The following ASCC2 variants were observed in gnomAD, a reference collection of about 807,000 sequenced individuals.
ASCC2 encodes the protein activating signal cointegrator 1 complex subunit 2.
A neutral mutation model predicts 93.5 loss-of-function variants in ASCC2; 42 were observed. That is an observed-to-expected ratio of 0.45 (90% CI 0.35 to 0.58). The LOEUF (loss-of-function observed/expected upper bound fraction) is 0.58, where lower values mean the gene tolerates loss of function less well. Among genes scored for constraint, ASCC2 ranks in the 20% least tolerant of loss-of-function variants. The probability of loss-of-function intolerance (pLI) is 0.00; values close to 1 mark genes in which losing one functional copy is unlikely to be tolerated. For synonymous variants in ASCC2, 364 were observed against 384.2 expected, an observed-to-expected ratio of 0.95 and a Z score of 0.62; for missense variants, 859 against 977.6, an observed-to-expected ratio of 0.88 and a Z score of 1.62.
In ASCC2 at chr22:29,803,298, T is replaced by A. The variant is rs180848901; in HGVS notation, c.1354-1090A>T. ...ACAAACAAAAACAAATAAATAATTA[T>A]ATTAAATTAAATTAAATTAAAATTT... On this transcript the variant is annotated intron_variant, in intron 13 of 19. Coordinates refer to ENST00000307790, the MANE Select transcript of ASCC2 (RefSeq NM_032204.5). 7.4e-4 allele frequency among the ~76,000 whole-genome samples: 112 copies of A among 151,776 alleles called. 1 individual carries two copies. Among genetic ancestry groups the A allele is most frequent in the Middle Eastern group, 3.4e-3 (1 of 294 alleles).
At position 29,832,278 on chromosome 22, in the gene ASCC2, C is replaced by T. The variant is rs770347429; in HGVS notation, c.48G>A (p.Pro16=). 4 of 1,613,922 alleles carry T rather than the reference C, an allele frequency of 2.5e-6. No homozygotes were observed. Among genetic ancestry groups the T allele is most frequent in the South Asian group, 2.2e-5 (2 of 91,080 alleles). Reference sequence around the variant, plus strand: ...GTGAAGTCCTCAGCTTTCCTGTCTTCGGGTCCTTGTGGGTGATCTGGAGTT... The same window carrying T: ...GTGAAGTCCTCAGCTTTCCTGTCTTTGGGTCCTTGTGGGTGATCTGGAGTT... ...LDQLQITHKD[P]KTGKLRTSPA... Residue 16 remains proline, a synonymous_variant, in exon 2 of 20, where the codon CCG becomes CCA. Transcript: ENST00000307790.
At position 29,788,773 on chromosome 22, in the gene ASCC2, G is replaced by A; in HGVS notation, c.*240C>T. The A allele has an allele frequency of 1.8e-6, 1 of 546,050 alleles. No homozygotes were observed. Among genetic ancestry groups the A allele is most frequent in the Non-Finnish European group, 3.3e-6 (1 of 305,906 alleles). The allele number at this position is 546,050 out of a possible 1,614,324, so 33.8% of individuals were successfully genotyped here. ...CTCTTTCCCGCTAGCGCAGCTGGGG[G>A]AAGGTGCCTGCTTGCCGGCCCCACG... On this transcript the variant is annotated 3_prime_UTR_variant, in exon 20 of 20. Transcript: ENST00000307790.
At chr22:29,835,593 TCTAA>T (rs1049809387) in intron 1 of ASCC2, among the ~76,000 whole-genome samples, 6 of 152,138 alleles carry the variant, frequency 3.9e-5, no homozygotes, top group Non-Finnish European at 8.8e-5. Context: ...CCCTAACCTC[TCTAA>T]CTTTTGATTG....
chr22:29,794,664 C>T (rs2058196122), intron 15 of ASCC2, among the ~76,000 whole-genome samples: 1 of 152,194 alleles, frequency 6.6e-6, no homozygotes, highest in Non-Finnish European at 1.5e-5. Flanking sequence ...TAATGTCCAT[C>T]ATGAGTGAAA....
At chr22:29,833,883 T>G (rs2063456717) in intron 1 of ASCC2, among the ~76,000 whole-genome samples, 1 of 151,072 alleles carries the variant, frequency 6.6e-6, no homozygotes, top group South Asian at 2.1e-4. Context: ...CTTTTTCTTT[T>G]TTTTTTTTTT....
chr22:29,821,869 T>C lies in ASCC2; in HGVS notation c.541+466A>G, dbSNP rs746447019. The C allele has an allele frequency of 4.9e-6, 2 of 404,590 alleles. 1 individual carries two copies. The highest frequency in any genetic ancestry group is 3.5e-5 in the South Asian group (2 of 57,914). 25.1% of individuals were successfully genotyped at this position (404,590 alleles called of 1,614,324 possible). A position where few individuals can be genotyped will look rare whatever the true frequency, so the allele number is the denominator to read the frequency against. Reference sequence around the variant, plus strand: ...TTTTAATTCGCCAGGCATGGTGGTGTGCACCTGTAGTCCCAGGTACCTGGG... The same window carrying C: ...TTTTAATTCGCCAGGCATGGTGGTGCGCACCTGTAGTCCCAGGTACCTGGG... On this transcript the variant is annotated intron_variant, in intron 5 of 19. Coordinates refer to ENST00000307790, the MANE Select transcript of ASCC2 (RefSeq NM_032204.5).
chr22:29,807,170 G>A lies in ASCC2; in HGVS notation c.909-266C>T, dbSNP rs187800377. Among the ~76,000 whole-genome samples, 881 of 147,714 alleles carry A rather than the reference G, an allele frequency of 6.0e-3. 5 individuals carry two copies. Among genetic ancestry groups the A allele is most frequent in the Middle Eastern group, 0.011 (3 of 274 alleles). ...GCAGGGGGATCGCATTCGCCTGGGAGGTCAAGGCTGCAGTGAGCCATGATG... is the reference window on the plus strand; with the variant it reads ...GCAGGGGGATCGCATTCGCCTGGGAAGTCAAGGCTGCAGTGAGCCATGATG... On this transcript the variant is annotated intron_variant, in intron 9 of 19. Coordinates refer to ENST00000307790, the MANE Select transcript of ASCC2 (RefSeq NM_032204.5).
At position 29,814,712 on chromosome 22, in the gene ASCC2, G is replaced by A. The variant is rs1401218092; in HGVS notation, c.665C>T (p.Thr222Ile). The A allele has an allele frequency of 1.9e-6, 3 of 1,607,998 alleles. No individual in the cohort carries two copies. The highest frequency in any genetic ancestry group is 2.2e-5 in the South Asian group (2 of 89,858). Residue 222 changes from threonine (T) to isoleucine (I), a missense_variant, in exon 7 of 20, where the codon ACA becomes ATA. Coordinates refer to ENST00000307790, the MANE Select transcript of ASCC2 (RefSeq NM_032204.5). ...GCCCCTCTCCTCAAGCTTCTGGGGT[G>A]TGGTATTGGCCCCGTCCCCTTGCAA... Reference protein sequence around the residue: ...CGLQGDGANTTPQKLEERGRL... With the variant: ...CGLQGDGANTIPQKLEERGRL...
In ASCC2 at chr22:29,825,486, AC is replaced by A; in HGVS notation, c.240+135del. ...TGTGATACAAGACAGAGCAATCCGA[AC>A]CACAATTTGCTGTTAAGGATCCAGT... is the stretch of plus-strand genomic sequence containing the variant. On this transcript the variant is annotated intron_variant, in intron 3 of 19. Transcript: ENST00000307790. This position sits in a 1 kb window ranked among gnomAD's most constrained non-coding sequence, Gnocchi z 4.9. 1.5e-6 allele frequency: 2 copies of A among 1,313,750 alleles called. No individual in the cohort carries two copies. The highest frequency in any genetic ancestry group is 2.6e-5 in the South Asian group (2 of 77,654). The allele number at this position is 1,313,750 out of a possible 1,614,324, so 81.4% of individuals were successfully genotyped here.
At chr22:29,819,709 G>A (rs1025547291) in intron 5 of ASCC2, among the ~76,000 whole-genome samples, 5 of 152,096 alleles carry the variant, frequency 3.3e-5, no homozygotes, top group African/African-American at 2.4e-5. Context: ...TGGCTCCAAG[G>A]CTCCAAATCC....
rs1008898703 is a variant in ASCC2, at chr22:29,793,820, C to T, written c.1689-144G>A. 2.4e-5 allele frequency: 14 copies of T among 576,388 alleles called. No homozygotes were observed. In the Admixed American group the frequency reaches 2.4e-4, roughly 10 times the overall value. The allele number at this position is 576,388 out of a possible 1,614,324, so 35.7% of individuals were successfully genotyped here. ...AAATGAAATCAAGCATTGGTGAGGG[C>T]GTGGGAGGGTGGGACTGTCACTGCT... On this transcript the variant is annotated intron_variant, in intron 15 of 19. Coordinates refer to ENST00000307790, the MANE Select transcript of ASCC2 (RefSeq NM_032204.5).
chr22:29,795,189 A>G (rs2058280828), intron 15 of ASCC2, among the ~76,000 whole-genome samples: 1 of 151,938 alleles, frequency 6.6e-6, no homozygotes, highest in Non-Finnish European at 1.5e-5. Context: ...AACCTCCCAA[A>G]GTGCTAGGAT....
At chr22:29,790,813 GACC>G (rs906788000) in intron 18 of ASCC2, among the ~76,000 whole-genome samples, 1 of 152,224 alleles carries the variant, frequency 6.6e-6, no homozygotes, top group Non-Finnish European at 1.5e-5. Context: ...AGAGTGGATA[GACC>G]ATAGTTATGG....
intron 1 of ASCC2, chr22:29,836,648 T>C (rs5763529): frequency 0.9 from 136,605 of 152,072 alleles, 61,682 homozygotes; most frequent in East Asian, 1. Flanking sequence ...GCCACCTCTG[T>C]CTCCCGGGTT....
At chr22:29,838,082 G>A (rs1033593857) in intron 1 of ASCC2, 96 bp downstream of exon 1, 17 of 444,452 alleles carry the variant, frequency 3.8e-5, no homozygotes, top group Admixed American at 1.2e-4. Flanking sequence ...CGCAATGGAG[G>A]CCAGAGGATG....
rs746763737 is a variant in ASCC2 at position 29,813,411 on chromosome 22, G to A, written c.833+19C>T. On this transcript the variant is annotated intron_variant, in intron 8 of 19. Transcript: ENST00000307790. ...ATAAGCCAGTATCTCTATTTCAACA[G>A]CCAGAACTACCGCCTTACCTGTAAC... is the stretch of plus-strand genomic sequence containing the variant. 8.6e-6 allele frequency: 13 copies of A among 1,510,734 alleles called. No homozygotes were observed. The highest frequency in any genetic ancestry group is 1.2e-5 in the Non-Finnish European group (13 of 1,086,134). The allele number at this position is 1,510,734 out of a possible 1,614,324, so 93.6% of individuals were successfully genotyped here.
At chr22:29,830,086 C>T (rs1354093031) in intron 2 of ASCC2, among the ~76,000 whole-genome samples, 1 of 152,180 alleles carries the variant, frequency 6.6e-6, no homozygotes, top group Non-Finnish European at 1.5e-5. Context: ...TCTCCCTCAA[C>T]TCATCTGCCT....
At chr22:29,798,421 G>C (rs1471811346) in intron 15 of ASCC2, among the ~76,000 whole-genome samples, 1 of 152,118 alleles carries the variant, frequency 6.6e-6, no homozygotes, top group Non-Finnish European at 1.5e-5. Flanking sequence ...GTCATGTCTG[G>C]AAGCCATAGT....
Position 29,804,657 on chromosome 22 carries a change from T to C in ASCC2, c.1334A>G (p.Glu445Gly), listed in dbSNP as rs762005726. The change falls in exon 13 of 20, where the codon GAG (glutamate) becomes GGG (glycine). Residue 445 changes from glutamate to glycine, a missense_variant. Coordinates refer to ENST00000307790, the MANE Select transcript of ASCC2 (RefSeq NM_032204.5). ...EAVSQASSHP[E>G]NSEEEECMGA... ...ACATACCTCCTCTTCCTCCGAGTTC[T>C]CCGGATGTGATGATGCTTGACTGAC... The C allele has an allele frequency of 1.2e-6, 2 of 1,613,912 alleles. No individual in the cohort carries two copies. Among genetic ancestry groups the C allele is most frequent in the Non-Finnish European group, 1.7e-6 (2 of 1,179,984 alleles).
Sources: gnomAD v4.1 joint callset for allele counts (sites outside exome capture counted in the v4.1 genomes callset) on GRCh38, gnomAD v4.1.1 for gene constraint, Gnocchi (gnomAD v3.1) non-coding constraint, MANE v1.5 for transcripts, NCBI Gene and HGNC (gene_info 2026-07-23, HGNC 2026-07-21) for gene names.